Variants in NBPF9 observed in about 807,000 individuals in gnomAD.
NBPF9 encodes NBPF member 9.
NBPF9 carries 91 observed loss-of-function variants against 97.8 expected under a neutral mutation model. The ratio of observed to expected loss-of-function variants is 0.93; its 90% CI spans 0.79 to 1.11. The LOEUF is 1.11. Among genes scored for constraint, NBPF9 ranks in the 50% least tolerant of loss-of-function variants. The probability of loss-of-function intolerance (pLI) is 0.00; values close to 1 mark genes in which losing one functional copy is unlikely to be tolerated. For missense variants in NBPF9, 992 were observed against 939.5 expected, an observed-to-expected ratio of 1.06 and a Z score of -0.73; for synonymous variants, 334 against 359.5, an observed-to-expected ratio of 0.93 and a Z score of 0.80.
At position 149,101,861 on chromosome 1, in the gene NBPF9, G is replaced by A. The variant is rs1288011570; in HGVS notation, c.-723-482C>T. On this transcript the variant is annotated intron_variant, in intron 2 of 29. Transcript: ENST00000584027. ...ATGCCACTCCTACAAATATACCCCA[G>A]TCTAGTAATGCTCTATTTCTTGATC... Among the ~76,000 whole-genome samples the A allele has an allele frequency of 2.8e-4, 41 of 147,756 alleles. No homozygotes were observed. In the East Asian group the frequency reaches 8.1e-3, roughly 29 times the overall value.
chr1:149,055,426 T>C, exon 30 of NBPF9: 2 of 710,984 alleles, frequency 2.8e-6, no homozygotes, highest in Non-Finnish European at 2.3e-6. Context: ...GACTGATCAC[T>C]CCCGGCATGT....
chr1:149,086,204 C>A (rs1265340519), intron 5 of NBPF9, among the ~76,000 whole-genome samples: 21,809 of 147,010 alleles, frequency 0.15, 680 homozygotes, highest in Non-Finnish European at 0.2. Context: ...ACGTGGCAGG[C>A]CAGGTCTCAC....
chr1:149,064,130 GA>G (rs2078857529), intron 19 of NBPF9, among the ~76,000 whole-genome samples: 1 of 138,514 alleles, frequency 7.2e-6, no homozygotes, highest in Admixed American at 7.3e-5. Context: ...AGTGAACAGT[GA>G]TCATGAAAAG....
At position 149,077,428 on chromosome 1, in the gene NBPF9, C is replaced by T; in HGVS notation, c.567-9G>A. 1.9e-6 allele frequency: 3 copies of T among 1,608,468 alleles called. No homozygotes were observed. Among genetic ancestry groups the T allele is most frequent in the Non-Finnish European group, 2.5e-6 (3 of 1,176,630 alleles). ...CAGCCTTCTGCACCTCCCTGATGAG[C>T]CAGGTGGGACAGAGATGACAGAAGA... On this transcript the variant is annotated splice_polypyrimidine_tract_variant and intron_variant, in intron 10 of 29. Transcript: ENST00000584027.
At chr1:149,089,641 G>T (rs1429352152) in intron 5 of NBPF9, among the ~76,000 whole-genome samples, 177 of 152,376 alleles carry the variant, frequency 1.2e-3, no homozygotes, top group African/African-American at 4.2e-3. Context: ...ATAACGCTAG[G>T]TGACACTAAT....
chr1:149,095,671 G>T (rs1553661287), intron 4 of NBPF9, among the ~76,000 whole-genome samples: 1 of 144,784 alleles, frequency 6.9e-6, no homozygotes, highest in African/African-American at 2.6e-5. Flanking sequence ...TCATTAATAA[G>T]ATATACAGAT....
intron 18 of NBPF9, chr1:149,064,832 T>C: frequency 1.8e-6 from 1 of 543,842 alleles, no homozygotes; most frequent in East Asian, 3.6e-5. Context: ...TCTCATCAAA[T>C]ACCCAGAATT....
intron 24 of NBPF9, chr1:149,060,320 C>G: frequency 4.7e-6 from 2 of 421,618 alleles, no homozygotes; most frequent in Non-Finnish European, 8.7e-6. Flanking sequence ...TGGCCTGAGA[C>G]TAGGAAGAGA....
intron 5 of NBPF9, among the ~76,000 whole-genome samples, chr1:149,085,683 T>C (rs1207278427): frequency 2.0e-5 from 3 of 151,924 alleles, no homozygotes; most frequent in Non-Finnish European, 4.4e-5. Flanking sequence ...TGGCTATTAA[T>C]CTCTATTATG....
exon 16 of NBPF9, chr1:149,070,934 C>T: frequency 6.2e-7 from 1 of 1,612,378 alleles, no homozygotes; most frequent in Non-Finnish European, 8.5e-7. Flanking sequence ...CAGAGGCTAC[C>T]TGGAATAATG....
chr1:149,081,968 A>G, exon 7 of NBPF9: 3 of 1,582,200 alleles, frequency 1.9e-6, no homozygotes, highest in South Asian at 1.1e-5. Context: ...ATCTTACTGT[A>G]TTTCTTCTGT....
intron 3 of NBPF9, among the ~76,000 whole-genome samples, chr1:149,100,443 TTTA>T (rs1219733218): frequency 7.2e-6 from 1 of 139,174 alleles, no homozygotes; most frequent in Non-Finnish European, 1.5e-5. Context: ...ATTTATTATT[TTTA>T]TTTTTTGTAG....
chr1:149,086,317 C>T (rs1331882480), intron 5 of NBPF9, among the ~76,000 whole-genome samples: 50 of 150,622 alleles, frequency 3.3e-4, no homozygotes, highest in African/African-American at 1.2e-3. Context: ...TATACAAAGG[C>T]TGGAATGTAA....
intron 4 of NBPF9, among the ~76,000 whole-genome samples, chr1:149,094,882 T>G (rs1320772717): frequency 6.9e-6 from 1 of 145,258 alleles, no homozygotes; most frequent in African/African-American, 2.7e-5. Context: ...GGAGGAGCAC[T>G]TAAATGATAT....
chr1:149,080,595 T>C (rs1339055262), intron 7 of NBPF9, among the ~76,000 whole-genome samples: 1 of 151,250 alleles, frequency 6.6e-6, no homozygotes, highest in Non-Finnish European at 1.5e-5. Flanking sequence ...AGGACAAATA[T>C]GTCAAGGACT....
chr1:149,064,895 C>G (rs587728275), intron 18 of NBPF9: 11 of 526,736 alleles, frequency 2.1e-5, no homozygotes, highest in African/African-American at 1.5e-4. Flanking sequence ...GTGCAATGAA[C>G]CAGCTCTTGA....
chr1:149,072,184 G>A (rs3961869), intron 14 of NBPF9, among the ~76,000 whole-genome samples: 5 of 150,780 alleles, frequency 3.3e-5, no homozygotes, highest in African/African-American at 4.9e-5. Context: ...ACCACAAAAC[G>A]CCCCCACATA....
exon 12 of NBPF9, chr1:149,075,791 T>C (rs1553654160): frequency 1.3e-6 from 2 of 1,587,152 alleles, no homozygotes; most frequent in South Asian, 2.2e-5. Context: ...TGTTCATCTC[T>C]GCCTTCTCGC....
At chr1:149,085,229 T>C (rs2080892538) in intron 5 of NBPF9, among the ~76,000 whole-genome samples, 1 of 151,222 alleles carries the variant, frequency 6.6e-6, no homozygotes, top group African/African-American at 2.4e-5. Flanking sequence ...TTGATAGATT[T>C]TTTATGAATA....
Sources: allele counts gnomAD v4.1 joint callset (sites outside exome capture counted in the v4.1 genomes callset), GRCh38; gene constraint gnomAD v4.1.1; transcripts MANE v1.5; gene names NCBI Gene and HGNC (gene_info 2026-07-23, HGNC 2026-07-21).